EYS: variants seen among roughly 807,000 people sequenced by gnomAD.
EYS encodes EGF-like photoreceptor maintenance factor.
A neutral mutation model predicts 282.1 loss-of-function variants in EYS; 250 were observed. The ratio of observed to expected loss-of-function variants is 0.89; its 90% CI spans 0.80 to 0.98. EYS has a LOEUF of 0.98. EYS is among the 50% of genes least tolerant of loss of function. EYS has a pLI of 0.00. For synonymous variants in EYS, 1,355 were observed against 1,282.9 expected (o/e 1.06, Z -1.20); for missense variants, 4,016 against 3,709.0 (o/e 1.08, Z -2.15).
chr6:64,327,249 T>C (rs1326134371), intron 29 of EYS, among the ~76,000 whole-genome samples: 1 of 152,104 alleles, frequency 6.6e-6, no homozygotes, highest in Non-Finnish European at 1.5e-5. Flanking sequence ...GGCATGCTCC[T>C]GGCTAAGCAG....
chr6:65,510,531 A>AT (rs1234969969), intron 2 of EYS, among the ~76,000 whole-genome samples: 2 of 152,056 alleles, frequency 1.3e-5, no homozygotes, highest in African/African-American at 2.4e-5. Context: ...TTTGATTAAT[A>AT]TTTTTTGACT....
intron 35 of EYS, among the ~76,000 whole-genome samples, chr6:63,898,602 T>C (rs890990779): frequency 9.2e-5 from 14 of 152,144 alleles, no homozygotes; most frequent in Non-Finnish European, 2.1e-4. Flanking sequence ...ACAATCTTTT[T>C]CCAAATTCTT....
chr6:63,923,229 A>G (rs1764621773), intron 35 of EYS, among the ~76,000 whole-genome samples: 1 of 152,210 alleles, frequency 6.6e-6, no homozygotes, highest in South Asian at 2.1e-4. Flanking sequence ...ATAAAATACT[A>G]TACTTTTAAA....
At chr6:64,132,618 G>A (rs983170500) in intron 31 of EYS, among the ~76,000 whole-genome samples, 11 of 151,782 alleles carry the variant, frequency 7.2e-5, no homozygotes, top group Admixed American at 7.2e-4. Context: ...TTACATTTAA[G>A]TTATGATGAT....
intron 12 of EYS, among the ~76,000 whole-genome samples, chr6:65,265,064 G>A (rs1021806876): frequency 6.6e-6 from 1 of 151,638 alleles, no homozygotes; most frequent in Non-Finnish European, 1.5e-5. Context: ...AGTACACATG[G>A]GCAACAACAG....
chr6:63,763,902 T>G (rs1769715535), intron 40 of EYS, among the ~76,000 whole-genome samples: 1 of 125,922 alleles, frequency 7.9e-6, no homozygotes, highest in Non-Finnish European at 1.7e-5. Context: ...ATATATATAT[T>G]TGATAAACTG....
intron 22 of EYS, among the ~76,000 whole-genome samples, chr6:64,632,556 A>G (rs933304370): frequency 8.7e-4 from 2 of 2,310 alleles, no homozygotes; most frequent in East Asian, 0.083. Flanking sequence ...CACTTCACTT[A>G]CCCCTGTGTC....
At chr6:64,077,483 A>G (rs1771813993) in intron 32 of EYS, among the ~76,000 whole-genome samples, 1 of 152,026 alleles carries the variant, frequency 6.6e-6, no homozygotes, top group African/African-American at 2.4e-5. Context: ...AGGCCCCAAT[A>G]ATTCCACTAG....
chr6:65,474,897 AG>A (rs1765341903), intron 5 of EYS, among the ~76,000 whole-genome samples: 1 of 152,094 alleles, frequency 6.6e-6, no homozygotes, highest in African/African-American at 2.4e-5. Flanking sequence ...AGGAAAAGTT[AG>A]GAAAGAAATG....
At chr6:64,449,977 T>C (rs1161998744) in intron 26 of EYS, among the ~76,000 whole-genome samples, 1 of 152,112 alleles carries the variant, frequency 6.6e-6, no homozygotes. Flanking sequence ...GCTAACATCA[T>C]AATGACAGGA....
intron 22 of EYS, among the ~76,000 whole-genome samples, chr6:64,749,063 A>G (rs570741343): frequency 6.6e-6 from 1 of 152,232 alleles, no homozygotes. Flanking sequence ...GTGAGCCACC[A>G]TGCCTGGCCT....
intron 28 of EYS, among the ~76,000 whole-genome samples, chr6:64,421,972 A>G (rs1440714931): frequency 6.6e-6 from 1 of 151,652 alleles, no homozygotes; most frequent in African/African-American, 2.4e-5. Context: ...ACATTTCACA[A>G]CAACTGGAAC....
At chr6:65,188,928 C>G (rs1414404299) in intron 12 of EYS, among the ~76,000 whole-genome samples, 1 of 151,596 alleles carries the variant, frequency 6.6e-6, no homozygotes, top group Non-Finnish European at 1.5e-5. Flanking sequence ...CCATTTTAAT[C>G]TTCTGAGGTA....
intron 22 of EYS, among the ~76,000 whole-genome samples, chr6:64,735,098 T>C (rs1364583342): frequency 6.6e-6 from 1 of 152,120 alleles, no homozygotes; most frequent in Non-Finnish European, 1.5e-5. Flanking sequence ...ACTTTGTTTT[T>C]TTTGAGACCC....
chr6:64,369,798 A>G (rs2150412957), intron 29 of EYS, among the ~76,000 whole-genome samples: 1 of 152,132 alleles, frequency 6.6e-6, no homozygotes, highest in East Asian at 1.9e-4. Context: ...GCTATTGTGA[A>G]TGGGATTGCA....
chr6:65,476,479 C>A (rs1012725640), intron 5 of EYS, among the ~76,000 whole-genome samples: 7 of 152,060 alleles, frequency 4.6e-5, no homozygotes, highest in African/African-American at 1.7e-4. Flanking sequence ...ATGGAAAATT[C>A]TCCTGAATTG....
At position 65,689,898 on chromosome 6, in the gene EYS, C is replaced by T. The variant is rs138109199; in HGVS notation, c.-448+17237G>A. 5.3e-3 allele frequency among the ~76,000 whole-genome samples: 788 copies of T among 149,774 alleles called. 23 individuals carry two copies. The highest frequency in any genetic ancestry group is 0.018 in the African/African-American group (750 of 41,172). On this transcript the variant is annotated intron_variant, in intron 1 of 42. Coordinates refer to ENST00000503581, the MANE Select transcript of EYS (RefSeq NM_001142800.2). ...GGCAGGTCGAGAAATAACAGACACA[C>T]ACAAGATAGTGAAAGCTGGGTCCAG...
intron 2 of EYS, among the ~76,000 whole-genome samples, chr6:65,571,246 C>T (rs1200857373): frequency 2.0e-5 from 3 of 151,884 alleles, no homozygotes; most frequent in Admixed American, 2.0e-4. Flanking sequence ...AACTTAAATA[C>T]CATCTTCAGC....
At chr6:63,959,428 T>C (rs1160502567) in intron 35 of EYS, among the ~76,000 whole-genome samples, 3 of 152,190 alleles carry the variant, frequency 2.0e-5, no homozygotes, top group Non-Finnish European at 4.4e-5. Context: ...TGTAAATTAG[T>C]TCAACCATTG....
Sources: gnomAD v4.1 joint callset for allele counts (sites outside exome capture counted in the v4.1 genomes callset) on GRCh38, gnomAD v4.1.1 for gene constraint, MANE v1.5 for transcripts, NCBI Gene and HGNC (gene_info 2026-07-23, HGNC 2026-07-21) for gene names.